FILIP1L: variants seen among roughly 807,000 people sequenced by gnomAD.
FILIP1L encodes filamin A interacting protein 1 like.
A neutral mutation model predicts 96.6 loss-of-function variants in FILIP1L; 55 were observed. The observed-to-expected ratio is 0.57, with a 90% confidence interval of 0.46 to 0.71. FILIP1L has a LOEUF of 0.71. Among genes scored for constraint, FILIP1L ranks in the 30% least tolerant of loss-of-function variants. FILIP1L has a pLI of 0.00. For synonymous variants in FILIP1L, 467 were observed against 473.9 expected, an observed-to-expected ratio of 0.99 and a Z score of 0.19; for missense variants, 1,304 against 1,321.2, an observed-to-expected ratio of 0.99 and a Z score of 0.20.
At chr3:99,868,086 A>C (rs1321470675) in intron 4 of FILIP1L, among the ~76,000 whole-genome samples, 2 of 152,196 alleles carry the variant, frequency 1.3e-5, no homozygotes, top group Admixed American at 6.5e-5. Context: ...TTGTGGGTGC[A>C]TGGTAAAACA....
At chr3:100,106,158 A>G (rs138705666) in intron 1 of FILIP1L, among the ~76,000 whole-genome samples, 64 of 152,286 alleles carry the variant, frequency 4.2e-4, no homozygotes, top group African/African-American at 1.5e-3. Flanking sequence ...CAGATACCAC[A>G]TAGTAAATCA....
intron 4 of FILIP1L, among the ~76,000 whole-genome samples, chr3:99,899,683 C>G (rs930691208): frequency 2.0e-5 from 3 of 152,144 alleles, no homozygotes; most frequent in Non-Finnish European, 4.4e-5. Context: ...GCTTTGGACT[C>G]CCACCTCCTT....
chr3:100,000,039 G>A (rs986857759), intron 1 of FILIP1L, among the ~76,000 whole-genome samples: 1 of 152,186 alleles, frequency 6.6e-6, no homozygotes, highest in Non-Finnish European at 1.5e-5. Flanking sequence ...TTATTTGCCT[G>A]TAATGGGGCC....
chr3:100,061,227 A>C (rs2065560354), intron 1 of FILIP1L, among the ~76,000 whole-genome samples: 1 of 152,222 alleles, frequency 6.6e-6, no homozygotes, highest in Non-Finnish European at 1.5e-5. Flanking sequence ...TAAAATACCA[A>C]AAACAAGTGA....
chr3:100,087,115 T>C (rs962256166), intron 1 of FILIP1L, among the ~76,000 whole-genome samples: 1 of 152,252 alleles, frequency 6.6e-6, no homozygotes, highest in African/African-American at 2.4e-5. Flanking sequence ...GAAGGACATT[T>C]GGTTTATTTT....
At chr3:100,104,370 T>G (rs2066359262) in intron 1 of FILIP1L, among the ~76,000 whole-genome samples, 1 of 152,236 alleles carries the variant, frequency 6.6e-6, no homozygotes, top group African/African-American at 2.4e-5. Flanking sequence ...TCTTTGTTTA[T>G]TCAATAACTC....
chr3:100,046,315 T>G (rs1349011048), intron 1 of FILIP1L, among the ~76,000 whole-genome samples: 1 of 152,216 alleles, frequency 6.6e-6, no homozygotes, highest in African/African-American at 2.4e-5. Context: ...CTCAGACATG[T>G]CTTAAAAAGG....
At chr3:99,901,974 AAC>A (rs1255089674) in intron 4 of FILIP1L, among the ~76,000 whole-genome samples, 1 of 152,182 alleles carries the variant, frequency 6.6e-6, no homozygotes, top group African/African-American at 2.4e-5. Context: ...AACAAAACAA[AAC>A]ACAGAGTGTT....
intron 1 of FILIP1L, among the ~76,000 whole-genome samples, chr3:99,997,372 A>G (rs1484822976): frequency 6.6e-6 from 1 of 152,246 alleles, no homozygotes; most frequent in Non-Finnish European, 1.5e-5. Context: ...AAATGGCTGT[A>G]TGCTATCTTT....
Position 100,054,947 on chromosome 3 carries a change from G to C in FILIP1L, c.-11+59106C>G, listed in dbSNP as rs1046588319. 3.3e-5 allele frequency among the ~76,000 whole-genome samples: 5 copies of C among 152,156 alleles called. No homozygotes were observed. In the South Asian group the frequency reaches 6.2e-4, roughly 19 times the overall value. On this transcript the variant is annotated intron_variant, in intron 1 of 5. Coordinates refer to ENST00000477258, the MANE Select transcript of FILIP1L (RefSeq NM_001387850.1). ...ATTAATCACAACATAGTTCCTTCCA[G>C]AAACTTCTGAATGCCCTTTCCCAGC... is the stretch of plus-strand genomic sequence containing the variant.
chr3:99,839,267 C>T (rs1336844555), intron 5 of FILIP1L, among the ~76,000 whole-genome samples: 1 of 152,112 alleles, frequency 6.6e-6, no homozygotes, highest in Non-Finnish European at 1.5e-5. Context: ...TTAAGCTACC[C>T]CTTAACTCCC....
intron 1 of FILIP1L, among the ~76,000 whole-genome samples, chr3:100,087,446 A>G (rs1045171273): frequency 6.6e-6 from 1 of 152,168 alleles, no homozygotes; most frequent in Admixed American, 6.5e-5. Flanking sequence ...TAATAGTGGT[A>G]TCTCCTTGTG....
At chr3:99,952,333 T>C (rs1708201986) in intron 1 of FILIP1L, among the ~76,000 whole-genome samples, 1 of 152,180 alleles carries the variant, frequency 6.6e-6, no homozygotes, top group South Asian at 2.1e-4. Flanking sequence ...ATGAGCAAAT[T>C]ATCACTATAC....
At chr3:99,903,927 G>A (rs1346338835) in intron 4 of FILIP1L, among the ~76,000 whole-genome samples, 1 of 152,096 alleles carries the variant, frequency 6.6e-6, no homozygotes, top group Non-Finnish European at 1.5e-5. Context: ...TCTTCATTTG[G>A]TAATAGAAAA....
At chr3:100,008,399 CAT>C (rs1199787745) in intron 1 of FILIP1L, among the ~76,000 whole-genome samples, 11 of 152,180 alleles carry the variant, frequency 7.2e-5, no homozygotes, top group African/African-American at 2.7e-4. Context: ...CCAAGATTTT[CAT>C]ATGAGTTGCA....
intron 1 of FILIP1L, among the ~76,000 whole-genome samples, chr3:100,007,410 A>G (rs1033093058): frequency 1.3e-5 from 2 of 152,200 alleles, no homozygotes; most frequent in African/African-American, 4.8e-5. Context: ...TTTGTGTGAA[A>G]TATCAAATTT....
At chr3:99,900,705 A>G (rs1263112478) in intron 4 of FILIP1L, among the ~76,000 whole-genome samples, 1 of 152,192 alleles carries the variant, frequency 6.6e-6, no homozygotes, top group Non-Finnish European at 1.5e-5. Context: ...TTTTCCACGC[A>G]AGTCTTAAGT....
chr3:99,990,397 A>G (rs897787905), intron 1 of FILIP1L, among the ~76,000 whole-genome samples: 7 of 152,320 alleles, frequency 4.6e-5, no homozygotes, highest in African/African-American at 1.7e-4. Flanking sequence ...TGAGAGCCCT[A>G]TGCCCTTAGG....
At chr3:99,882,882 T>C (rs1451859871) in intron 4 of FILIP1L, among the ~76,000 whole-genome samples, 5 of 152,250 alleles carry the variant, frequency 3.3e-5, no homozygotes, top group Non-Finnish European at 5.9e-5. Flanking sequence ...TGGAGATTTA[T>C]AGATTGCTGC....
Sources: gnomAD v4.1 joint callset for allele counts (sites outside exome capture counted in the v4.1 genomes callset) on GRCh38, gnomAD v4.1.1 for gene constraint, MANE v1.5 for transcripts, NCBI Gene and HGNC (gene_info 2026-07-23, HGNC 2026-07-21) for gene names.